Variants in KANSL1 observed in about 807,000 individuals in gnomAD.
KANSL1 encodes MLL1/MLL complex subunit KANSL1.
In KANSL1, 22 loss-of-function variants were observed where a neutral mutation model predicts 103.6. That is an observed-to-expected ratio of 0.21 (90% CI 0.15 to 0.30). KANSL1 has a LOEUF of 0.30. Ranked by LOEUF, KANSL1 falls within the 10% of genes least tolerant of loss-of-function variation. The pLI, the probability that KANSL1 is intolerant of heterozygous loss-of-function variation, is 1.00. For missense variants in KANSL1, 1,337 were observed against 1,399.8 expected (o/e 0.96, Z 0.72); for synonymous variants, 600 against 527.6 (o/e 1.14, Z -1.88).
intron 2 of KANSL1, among the ~76,000 whole-genome samples, chr17:46,155,503 T>C (rs539029945): frequency 6.6e-6 from 1 of 152,236 alleles, no homozygotes; most frequent in Admixed American, 6.5e-5. Flanking sequence ...AGGGCACATA[T>C]AATAAAGTCT....
intron 6 of KANSL1, among the ~76,000 whole-genome samples, chr17:46,060,204 A>G (rs2078108593): frequency 6.6e-6 from 1 of 152,208 alleles, no homozygotes; most frequent in East Asian, 1.9e-4. Flanking sequence ...CCAAAACACT[A>G]AAAGAATTCT....
chr17:46,095,786 G>T (rs1296886863), intron 2 of KANSL1, among the ~76,000 whole-genome samples: 1 of 151,980 alleles, frequency 6.6e-6, no homozygotes, highest in East Asian at 1.9e-4. Context: ...TATAACTGAC[G>T]ATTAAACATC....
intron 2 of KANSL1, among the ~76,000 whole-genome samples, chr17:46,149,980 C>A (rs1303678033): frequency 1.3e-5 from 2 of 151,318 alleles, no homozygotes; most frequent in Admixed American, 1.3e-4. Flanking sequence ...TGAGATCGCA[C>A]CACTGCACCC....
chr17:46,080,723 CCT>C (rs372176508), intron 4 of KANSL1, among the ~76,000 whole-genome samples: 3,496 of 151,338 alleles, frequency 0.023, 139 homozygotes, highest in African/African-American at 0.081. Context: ...CCCCCCAACC[CCT>C]GTCTTCTCTT....
rs1365962710 is a variant in KANSL1, at chr17:46,171,574, C to A, written c.570G>T (p.Gly190=). ...KRALTSSALH[G]GEMGGSESGD... The stretch of plus-strand genomic sequence containing the variant: ...CAGATTCAGATCCTCCCATTTCACC[C>A]CCATGAAGAGCAGATGAAGTGAGAG... The change falls in exon 2 of 15, where the codon GGG becomes GGT. Residue 190 remains glycine (G), a synonymous_variant. Coordinates refer to ENST00000432791, the MANE Select transcript of KANSL1 (RefSeq NM_015443.4). 6.2e-7 allele frequency: 1 copy of A among 1,604,664 alleles called. No homozygotes were observed. The highest frequency in any genetic ancestry group is 1.3e-5 in the African/African-American group (1 of 74,444).
intron 2 of KANSL1, among the ~76,000 whole-genome samples, chr17:46,138,336 A>G (rs1015825552): frequency 2.0e-5 from 3 of 152,262 alleles, no homozygotes; most frequent in Admixed American, 6.5e-5. Flanking sequence ...TCTGTACTGA[A>G]TATGTACAGA....
In KANSL1 at chr17:46,171,640, A is replaced by G; in HGVS notation, c.504T>C (p.Ser168=). The G allele has an allele frequency of 6.4e-7, 1 of 1,562,132 alleles. No homozygotes were observed. The highest frequency in any genetic ancestry group is 8.6e-7 in the Non-Finnish European group (1 of 1,158,744). ...AKKLTKSSTH[S]DHDNSTSLNG... Reference sequence around the variant, plus strand: ...TGAGGGAAGTGGAATTGTCATGATCAGAATGTGTTGAACTTTTAGTCAATT... The same window carrying G: ...TGAGGGAAGTGGAATTGTCATGATCGGAATGTGTTGAACTTTTAGTCAATT... The change falls in exon 2 of 15, where the codon TCT becomes TCC. Residue 168 remains serine, a synonymous_variant. Transcript: ENST00000432791.
chr17:46,134,855 A>G (rs988281552), intron 2 of KANSL1, among the ~76,000 whole-genome samples: 5 of 152,090 alleles, frequency 3.3e-5, no homozygotes, highest in Non-Finnish European at 7.4e-5. Flanking sequence ...CAAAAAAAAA[A>G]GGGCAGAAGA....
intron 2 of KANSL1, among the ~76,000 whole-genome samples, chr17:46,110,624 G>C (rs1428225893): frequency 1.3e-5 from 2 of 152,168 alleles, no homozygotes; most frequent in Non-Finnish European, 2.9e-5. Flanking sequence ...GGAGGAAGGG[G>C]GGAGATGACC....
At chr17:46,145,184 C>T (rs749542854) in intron 2 of KANSL1, among the ~76,000 whole-genome samples, 151 of 152,356 alleles carry the variant, frequency 9.9e-4, no homozygotes, top group Non-Finnish European at 2.0e-3. Context: ...ACTAGTTTTG[C>T]ATGAAAGCAA....
intron 3 of KANSL1, chr17:46,093,180 A>G (rs2079481586): frequency 6.6e-6 from 1 of 152,208 alleles, no homozygotes; most frequent in Admixed American, 6.5e-5. Context: ...CTGATAGAGA[A>G]AGACTGTGTT....
intron 2 of KANSL1, chr17:46,169,651 C>A (rs7206949): frequency 0.35 from 53,205 of 151,864 alleles, 9,629 homozygotes; most frequent in South Asian, 0.6. Flanking sequence ...TATCCTGCCC[C>A]TCTTTTCCAA....
At chr17:46,092,866 T>C (rs1309204762) in intron 3 of KANSL1, 8 of 152,198 alleles carry the variant, frequency 5.3e-5, no homozygotes, top group African/African-American at 1.9e-4. Context: ...ATTTCTGTTA[T>C]GCCCTGGTTT....
intron 6 of KANSL1, among the ~76,000 whole-genome samples, chr17:46,062,405 C>T (rs2146612604): frequency 7.5e-6 from 1 of 133,590 alleles, no homozygotes; most frequent in Non-Finnish European, 1.5e-5. Flanking sequence ...TCTCACCAGG[C>T]TGGAGTGCTG....
chr17:46,152,507 C>T (rs1408397626), intron 2 of KANSL1, among the ~76,000 whole-genome samples: 1 of 150,788 alleles, frequency 6.6e-6, no homozygotes, highest in Non-Finnish European at 1.5e-5. Context: ...AATTAATGTC[C>T]TCATTTAGCC....
At chr17:46,127,327 T>A (rs1026713703) in intron 2 of KANSL1, among the ~76,000 whole-genome samples, 1 of 152,104 alleles carries the variant, frequency 6.6e-6, no homozygotes, top group East Asian at 1.9e-4. Context: ...AAAAGAACAA[T>A]AAAAAATGAG....
At position 46,171,034 on chromosome 17, in the gene KANSL1, A is replaced by G. The variant is rs374053775; in HGVS notation, c.1110T>C (p.Phe370=). 1.4e-5 allele frequency: 23 copies of G among 1,614,090 alleles called. No homozygotes were observed. The highest frequency in any genetic ancestry group is 1.9e-5 in the Non-Finnish European group (22 of 1,180,062). The change falls in exon 2 of 15, where the codon TTT becomes TTC. Residue 370 remains phenylalanine (F), a synonymous_variant. Transcript: ENST00000432791. ...CTTCTGAAATTGAATTGCTTTTCAGAAAGTTGCTAAGTCCCTCTGAAGTGG... is the reference window on the plus strand; with the variant it reads ...CTTCTGAAATTGAATTGCTTTTCAGGAAGTTGCTAAGTCCCTCTGAAGTGG... ...ETTTSEGLSN[F]LKSNSISEEL... is the part of the protein sequence containing the mutation.
Position 46,092,399 on chromosome 17 carries a change from G to C in KANSL1, c.1431+2161C>G, listed in dbSNP as rs1416173059. ...GAGTATCTTCTTATACACAGCTAGT[G>C]AGACTATAAACTGACACTGCCAAAA... On this transcript the variant is annotated intron_variant, in intron 3 of 14. Transcript: ENST00000432791. Among the ~76,000 whole-genome samples, 8 of 152,304 alleles carry C rather than the reference G, an allele frequency of 5.3e-5. No homozygotes were observed. In the South Asian group the frequency reaches 1.7e-3, roughly 32 times the overall value.
chr17:46,094,330 C>G (rs2079530267), intron 3 of KANSL1: 7 of 545,000 alleles, frequency 1.3e-5, no homozygotes, highest in Non-Finnish European at 2.2e-5. Context: ...CTCCTGAGCT[C>G]AAATGATCCT....
Sources: allele counts gnomAD v4.1 joint callset (sites outside exome capture counted in the v4.1 genomes callset), GRCh38; gene constraint gnomAD v4.1.1; transcripts MANE v1.5; gene names NCBI Gene and HGNC (gene_info 2026-07-23, HGNC 2026-07-21).